Variants in PAM observed in about 807,000 individuals in gnomAD.
PAM encodes peptidyl-glycine alpha-amidating monooxygenase.
PAM carries 72 observed loss-of-function variants against 122.1 expected under a neutral mutation model. The observed-to-expected ratio is 0.59, with a 90% CI of 0.49 to 0.72. The LOEUF is 0.72. Among genes scored for constraint, PAM ranks in the 30% least tolerant of loss-of-function variants. The probability of loss-of-function intolerance (pLI) is 0.00; values close to 1 mark genes in which losing one functional copy is unlikely to be tolerated. For missense variants in PAM, 1,106 were observed against 1,183.7 expected (o/e 0.93, Z 0.96); for synonymous variants, 389 against 404.4 (o/e 0.96, Z 0.46).
intron 7 of PAM, among the ~76,000 whole-genome samples, chr5:102,940,074 T>G (rs1476936746): frequency 6.7e-6 from 1 of 149,472 alleles, no homozygotes; most frequent in Non-Finnish European, 1.5e-5. Context: ...TAGTTGAGAA[T>G]TCCAATGGGA....
chr5:102,867,793 ACAAGT>A (rs1217771616), intron 3 of PAM, among the ~76,000 whole-genome samples: 2 of 152,244 alleles, frequency 1.3e-5, no homozygotes, highest in African/African-American at 2.4e-5. Context: ...TATTGCAACC[ACAAGT>A]CAAGAAATAA....
chr5:102,986,012 A>G (rs1296658473), intron 15 of PAM, among the ~76,000 whole-genome samples: 1 of 152,230 alleles, frequency 6.6e-6, no homozygotes, highest in Non-Finnish European at 1.5e-5. Flanking sequence ...GATGCAGAAA[A>G]AGCATTTGCT....
At position 102,959,914 on chromosome 5, in the gene PAM, G is replaced by A. The variant is rs1761947136; in HGVS notation, c.945G>A (p.Met315Ile). The change falls in exon 13 of 26, where the codon ATG becomes ATA. Residue 315 changes from methionine to isoleucine, a missense_variant. By Grantham distance (10) the Met-to-Ile change is conservative. Coordinates refer to ENST00000438793, the MANE Select transcript of PAM (RefSeq NM_001177306.2). ...ATGAAATGTGCAACTTATACATTAT[G>A]TATTACATGGAAGCCAAGCATGCAG... is the stretch of plus-strand genomic sequence containing the variant. ...SSDEMCNLYI[M>I]YYMEAKHAVS... The A allele has an allele frequency of 1.2e-6, 2 of 1,612,582 alleles. No homozygotes were observed. Among genetic ancestry groups the A allele is most frequent in the Non-Finnish European group, 1.7e-6 (2 of 1,178,864 alleles).
chr5:102,796,505 C>T (rs552143766), intron 1 of PAM, among the ~76,000 whole-genome samples: 1 of 152,014 alleles, frequency 6.6e-6, no homozygotes, highest in South Asian at 2.1e-4. Flanking sequence ...TAGGAGTCAT[C>T]TTTGCTCTTG....
intron 1 of PAM, among the ~76,000 whole-genome samples, chr5:102,831,935 T>G (rs541363519): frequency 9.2e-5 from 14 of 152,030 alleles, no homozygotes; most frequent in African/African-American, 3.4e-4. Context: ...ACACCAGTCA[T>G]TCATCTTTCC....
At chr5:102,813,670 TG>T (rs1395750777) in intron 1 of PAM, among the ~76,000 whole-genome samples, 1 of 152,186 alleles carries the variant, frequency 6.6e-6, no homozygotes, top group African/African-American at 2.4e-5. Flanking sequence ...CTTTAATTTG[TG>T]GAATGCCCCA....
At chr5:102,857,155 A>T (rs1241635838) in intron 1 of PAM, among the ~76,000 whole-genome samples, 1 of 152,178 alleles carries the variant, frequency 6.6e-6, no homozygotes. Flanking sequence ...AAACAAATGA[A>T]CAAACAACTG....
At chr5:102,843,726 A>T (rs1779259885) in intron 1 of PAM, among the ~76,000 whole-genome samples, 1 of 152,224 alleles carries the variant, frequency 6.6e-6, no homozygotes, top group African/African-American at 2.4e-5. Context: ...CCTGAGAAAG[A>T]TCTATAGATG....
At chr5:102,867,056 T>C (rs1785810976) in intron 2 of PAM, among the ~76,000 whole-genome samples, 1 of 152,210 alleles carries the variant, frequency 6.6e-6, no homozygotes, top group African/African-American at 2.4e-5. Context: ...ATTGCATTGG[T>C]TATATTTTAT....
rs551750183 is a variant in PAM, at chr5:102,990,219, T to C, written c.1484-53T>C. The C allele has an allele frequency of 1.0e-4, 144 of 1,381,720 alleles. 1 individual carries two copies. In the Middle Eastern group the frequency reaches 1.6e-3, roughly 16 times the overall value. The allele number at this position is 1,381,720 out of a possible 1,614,324, so 85.6% of individuals were successfully genotyped here. A position where few individuals can be genotyped will look rare whatever the true frequency, so the allele number is the denominator to read the frequency against. On this transcript the variant is annotated intron_variant, in intron 15 of 25. Coordinates refer to ENST00000438793, the MANE Select transcript of PAM (RefSeq NM_001177306.2). ...TTCTTGTAACTATTATGAATCCTCA[T>C]GAGGCAATTCGACCTTTCCCTTTTA...
At chr5:102,763,510 A>T (rs258133) in intron 1 of PAM, among the ~76,000 whole-genome samples, 73,370 of 151,922 alleles carry the variant, frequency 0.48, 18,014 homozygotes, top group African/African-American at 0.55. Flanking sequence ...AACAACAACA[A>T]CAACAAATAA....
At position 102,791,987 on chromosome 5, in the gene PAM, G is replaced by T. The variant is rs1762171567; in HGVS notation, c.-374+36639G>T. On this transcript the variant is annotated intron_variant, in intron 1 of 25. Coordinates refer to ENST00000438793, the MANE Select transcript of PAM (RefSeq NM_001177306.2). ...ACTGGGCAATATACAAACATTGGGAGAAGTTGTACCCATACTAATAAGGGT... is the reference window on the plus strand; with the variant it reads ...ACTGGGCAATATACAAACATTGGGATAAGTTGTACCCATACTAATAAGGGT... Among the ~76,000 whole-genome samples the T allele has an allele frequency of 3.9e-5, 6 of 152,284 alleles. No individual in the cohort carries two copies. The South Asian group carries it at 1.2e-3, about 32-fold the overall frequency.
At chr5:102,754,797 CT>C (rs1749647758), upstream of PAM, 1 of 152,410 alleles carries the variant, frequency 6.6e-6, no homozygotes, top group African/African-American at 2.4e-5. Context: ...TCCTCTGCTT[CT>C]CTCAGGGCAG....
intron 20 of PAM, among the ~76,000 whole-genome samples, chr5:103,008,323 A>G (rs1267650325): frequency 1.3e-5 from 2 of 152,082 alleles, no homozygotes; most frequent in South Asian, 2.1e-4. Flanking sequence ...TAGTAATTGT[A>G]TATATTTGTA....
chr5:103,025,648 A>G (rs1784749997), intron 24 of PAM, among the ~76,000 whole-genome samples: 2 of 152,178 alleles, frequency 1.3e-5, no homozygotes, highest in South Asian at 4.1e-4. Context: ...GTCAGTATAA[A>G]TTAGCTGAAG....
intron 1 of PAM, among the ~76,000 whole-genome samples, chr5:102,756,994 A>G (rs772662567): frequency 1.8e-4 from 27 of 152,208 alleles, no homozygotes; most frequent in Non-Finnish European, 3.1e-4. Context: ...ATACATGGCA[A>G]GTAGAATGAG....
At chr5:102,755,224 G>C (rs1489631741), upstream of PAM, 1 of 152,426 alleles carries the variant, frequency 6.6e-6, no homozygotes, top group African/African-American at 2.4e-5. Flanking sequence ...CCCCGCCACC[G>C]CCGCTGCCTC....
At chr5:102,890,536 T>C (rs1449461417) in intron 3 of PAM, among the ~76,000 whole-genome samples, 1 of 151,906 alleles carries the variant, frequency 6.6e-6, no homozygotes, top group Non-Finnish European at 1.5e-5. Flanking sequence ...TCATTTTTGT[T>C]CTATAATTGC....
chr5:102,867,154 G>A (rs2150960705), intron 2 of PAM, 119 bp from the exon 3 acceptor site: 2 of 638,940 alleles, frequency 3.1e-6, no homozygotes, highest in Middle Eastern at 4.2e-4. Context: ...CATCTTTAGA[G>A]TTTTCATTGG....
Sources: allele counts gnomAD v4.1 joint callset (sites outside exome capture counted in the v4.1 genomes callset), GRCh38; gene constraint gnomAD v4.1.1; transcripts MANE v1.5; gene names NCBI Gene and HGNC (gene_info 2026-07-23, HGNC 2026-07-21).